MRPL38: variants seen among roughly 807,000 people sequenced by gnomAD.
MRPL38 encodes the protein large ribosomal subunit protein mL38.
MRPL38 carries 51 observed loss-of-function variants against 52.1 expected under a neutral mutation model. That is an observed-to-expected ratio of 0.98 (90% CI 0.78 to 1.24). MRPL38 has a LOEUF of 1.24. Ranked by LOEUF, MRPL38 falls within the 50% of genes most tolerant of loss-of-function variation. The pLI is 0.00. For synonymous variants in MRPL38, 245 were observed against 212.7 expected, an observed-to-expected ratio of 1.15 and a Z score of -1.32; for missense variants, 527 against 518.6, an observed-to-expected ratio of 1.02 and a Z score of -0.16.
chr17:75,903,238 A>G lies in MRPL38; in HGVS notation c.248-1084T>C, dbSNP rs960173221. On this transcript the variant is annotated intron_variant, in intron 2 of 8. Coordinates refer to ENST00000309352, the MANE Select transcript of MRPL38 (RefSeq NM_032478.4). ...AGCTTGGGCAATATGGTGAAACCCC[A>G]TCTCTACTAAAAATACAAAAATTAG... 3.3e-5 allele frequency among the ~76,000 whole-genome samples: 5 copies of G among 152,148 alleles called. No homozygotes were observed. In the East Asian group the frequency reaches 9.6e-4, roughly 29 times the overall value.
chr17:75,902,655 A>G (rs1567853457), intron 2 of MRPL38, among the ~76,000 whole-genome samples: 2 of 152,222 alleles, frequency 1.3e-5, no homozygotes, highest in South Asian at 4.1e-4. Flanking sequence ...CAGAATTAAA[A>G]CATACTGTGC....
At chr17:75,903,749 G>C (rs2065415750) in intron 2 of MRPL38, among the ~76,000 whole-genome samples, 1 of 151,194 alleles carries the variant, frequency 6.6e-6, no homozygotes, top group Non-Finnish European at 1.5e-5. Flanking sequence ...TTTTGAGACG[G>C]AGTTTCGCTC....
At chr17:75,902,212 C>G in intron 2 of MRPL38, 58 bp from the exon 3 acceptor site, 1 of 1,523,702 alleles carries the variant, frequency 6.6e-7, no homozygotes. Context: ...GCCTTAACCT[C>G]CCCAACTCAG....
At chr17:75,900,618 G>T in intron 6 of MRPL38, 1 of 310,422 alleles carries the variant, frequency 3.2e-6, no homozygotes, top group Non-Finnish European at 5.2e-6. Context: ...CTACTCAGGA[G>T]ACTGAGGTGG....
intron 2 of MRPL38, chr17:75,904,162 G>A (rs1345113045): frequency 4.2e-6 from 2 of 477,400 alleles, no homozygotes; most frequent in African/African-American, 4.0e-5. Context: ...CCTGTCAACA[G>A]GGCGCTTACA....
At chr17:75,903,683 C>T (rs2065415437) in intron 2 of MRPL38, among the ~76,000 whole-genome samples, 1 of 151,134 alleles carries the variant, frequency 6.6e-6, no homozygotes, top group Non-Finnish European at 1.5e-5. Flanking sequence ...AAAAGAAAAG[C>T]ATATACTCCA....
chr17:75,904,703 C>T lies in MRPL38; in HGVS notation c.84G>A (p.Arg28=). The change falls in exon 2 of 9, where the codon CGG becomes CGA. Residue 28 remains arginine (R), a synonymous_variant. Coordinates refer to ENST00000309352, the MANE Select transcript of MRPL38 (RefSeq NM_032478.4). ...GFSTSAVLGR[R]TPPLGPMPNS... Reference sequence around the variant, plus strand: ...TGGGCATCGGCCCCAGCGGGGGTGTCCGGCGGCCCAGGACGGCTGCGGGCA... The same window carrying T: ...TGGGCATCGGCCCCAGCGGGGGTGTTCGGCGGCCCAGGACGGCTGCGGGCA... The T allele has an allele frequency of 6.3e-7, 1 of 1,589,166 alleles. No homozygotes were observed. Among genetic ancestry groups the T allele is most frequent in the Middle Eastern group, 1.7e-4 (1 of 5,914 alleles).
At chr17:75,900,833 G>T in intron 6 of MRPL38, 149 bp downstream of exon 6, 1 of 1,439,282 alleles carries the variant, frequency 6.9e-7, no homozygotes. Flanking sequence ...GTGGATCCCA[G>T]GGCCCCTAAC....
chr17:75,899,157 C>A lies in MRPL38; in HGVS notation c.1006+1G>T. ...CAGTGCCCCAGCCCCATGGCCCTTA[C>A]CCAGAAGCTGGTGGAAGATGTAGGT... On this transcript the variant is annotated splice_donor_variant, in intron 8 of 8. Transcript: ENST00000309352. LOFTEE classifies it high-confidence loss of function. 6.2e-7 allele frequency: 1 copy of A among 1,600,846 alleles called. No individual in the cohort carries two copies. Among genetic ancestry groups the A allele is most frequent in the Non-Finnish European group, 8.5e-7 (1 of 1,174,416 alleles).
In MRPL38 at chr17:75,900,988, C is replaced by T. The variant is rs376732024; in HGVS notation, c.704G>A (p.Trp235Ter). ...CCAGTACTCCAGTACTCACAGCAGCCAGTGGAGGTACTCAGCATCTGGCTC... is the reference window on the plus strand; with the variant it reads ...CCAGTACTCCAGTACTCACAGCAGCTAGTGGAGGTACTCAGCATCTGGCTC... ...LLEPDAEYLH[W>*]LLTNIPGNRV... Residue 235 changes from tryptophan to a stop codon, truncating the protein, a stop_gained, in exon 6 of 9, where the codon TGG becomes TAG. Coordinates refer to ENST00000309352, the MANE Select transcript of MRPL38 (RefSeq NM_032478.4). LOFTEE classifies it high-confidence loss of function. 19 of 1,612,704 alleles carry T rather than the reference C, an allele frequency of 1.2e-5. No homozygotes were observed. Among genetic ancestry groups the T allele is most frequent in the Non-Finnish European group, 1.6e-5 (19 of 1,179,454 alleles).
rs373808827 is a variant in MRPL38 at position 75,901,706 on chromosome 17, G to A, written c.591+6C>T. 63 of 1,612,994 alleles carry A rather than the reference G, an allele frequency of 3.9e-5. No individual in the cohort carries two copies. In the East Asian group the frequency reaches 5.8e-4, roughly 15 times the overall value. On this transcript the variant is annotated splice_donor_region_variant and intron_variant, in intron 4 of 8. Transcript: ENST00000309352. The surrounding 1 kb of genome is among the most constrained non-coding windows in gnomAD (Gnocchi z 5.7). ...GCAGGGAGGAGGGGCACAAGTGAGT[G>A]GTTACCTCGGTTGGAGTCACCTCAT... is the stretch of plus-strand genomic sequence containing the variant.
At position 75,901,888 on chromosome 17, in the gene MRPL38, A is replaced by G; in HGVS notation, c.415T>C (p.Trp139Arg). Residue 139 changes from tryptophan (W) to arginine (R), a missense_variant, in exon 4 of 9, where the codon TGG becomes CGG. Trp to Arg is a moderately radical substitution (Grantham distance 101, BLOSUM62 -3). Coordinates refer to ENST00000309352, the MANE Select transcript of MRPL38 (RefSeq NM_032478.4). The surrounding 1 kb of genome is among the most constrained non-coding windows in gnomAD (Gnocchi z 5.7). ...SVPLDAVRAE[W>R]ERTCGPYHKQ... is the part of the protein sequence containing the mutation. Reference sequence around the variant, plus strand: ...TGGTAGGGGCCACAGGTCCTCTCCCACTCGGCCCGCACGGCATCCAGCGGG... The same window carrying G: ...TGGTAGGGGCCACAGGTCCTCTCCCGCTCGGCCCGCACGGCATCCAGCGGG... 1.3e-6 allele frequency: 2 copies of G among 1,596,504 alleles called. No individual in the cohort carries two copies. Among genetic ancestry groups the G allele is most frequent in the Non-Finnish European group, 1.7e-6 (2 of 1,172,766 alleles).
At chr17:75,899,724 A>T in intron 6 of MRPL38, 50 bp from the exon 7 acceptor site, 1 of 1,477,266 alleles carries the variant, frequency 6.8e-7, no homozygotes, top group Non-Finnish European at 9.0e-7. Context: ...AGGCAGCAGG[A>T]GTGTCCCCTC....
At position 75,901,602 on chromosome 17, in the gene MRPL38, A is replaced by G. The variant is rs2065404664; in HGVS notation, c.591+110T>C. The G allele has an allele frequency of 4.4e-6, 4 of 905,064 alleles. No homozygotes were observed. The African/African-American group carries it at 5.0e-5, about 11-fold the overall frequency. 56.1% of individuals were successfully genotyped at this position (905,064 alleles called of 1,614,324 possible). ...TCATGGTGTCGTCTTCCAGGAAATC[A>G]AAGAGACAGAGAACAACAAAATTCC... is the stretch of plus-strand genomic sequence containing the variant. On this transcript the variant is annotated intron_variant, in intron 4 of 8. Coordinates refer to ENST00000309352, the MANE Select transcript of MRPL38 (RefSeq NM_032478.4). This position sits in a 1 kb window ranked among gnomAD's most constrained non-coding sequence, Gnocchi z 5.7.
At position 75,899,005 on chromosome 17, in the gene MRPL38, G is replaced by A; in HGVS notation, c.1007-19C>T. 1.3e-6 allele frequency: 2 copies of A among 1,577,378 alleles called. No individual in the cohort carries two copies. Among genetic ancestry groups the A allele is most frequent in the Non-Finnish European group, 1.7e-6 (2 of 1,162,612 alleles). On this transcript the variant is annotated intron_variant, in intron 8 of 8. Transcript: ENST00000309352. ...CGCATGTCTGCAAGAAGAGTGAGGG[G>A]TACGGGGTGGTCTGCTGGCCTGCGC...
rs2065393727 is a variant in MRPL38, at chr17:75,899,456, G to C, written c.869+60C>G. 13 of 1,536,084 alleles carry C rather than the reference G, an allele frequency of 8.5e-6. No homozygotes were observed. The South Asian group carries it at 1.3e-4, about 15-fold the overall frequency. On this transcript the variant is annotated intron_variant, in intron 7 of 8. Coordinates refer to ENST00000309352, the MANE Select transcript of MRPL38 (RefSeq NM_032478.4). ...CTGAGGTCAAGAGAGAACTGAGCAAGAGTGACCGTTCCAGGGGAGCTGGCC... is the reference window on the plus strand; with the variant it reads ...CTGAGGTCAAGAGAGAACTGAGCAACAGTGACCGTTCCAGGGGAGCTGGCC...
chr17:75,901,962 G>C lies in MRPL38; in HGVS notation c.383-42C>G, dbSNP rs372490950. The C allele has an allele frequency of 6.2e-7, 1 of 1,607,402 alleles. No individual in the cohort carries two copies. The highest frequency in any genetic ancestry group is 1.3e-5 in the African/African-American group (1 of 74,926). ...CCAGTTGGGATACGGGGGTGGGGGG[G>C]GCAGGGACACACCCTGTACCCCAAC... On this transcript the variant is annotated intron_variant, in intron 3 of 8. Transcript: ENST00000309352. This position sits in a 1 kb window ranked among gnomAD's most constrained non-coding sequence, Gnocchi z 5.7.
chr17:75,902,010 G>A lies in MRPL38; in HGVS notation c.382+10C>T. On this transcript the variant is annotated intron_variant, in intron 3 of 8. Coordinates refer to ENST00000309352, the MANE Select transcript of MRPL38 (RefSeq NM_032478.4). ...AACTCTGGGATGGCCCCTCCCCTGA[G>A]AAGGCTTACCTGTGCGGAGGCGGGC... 1 of 1,613,440 alleles carries A rather than the reference G, an allele frequency of 6.2e-7. No homozygotes were observed. Among genetic ancestry groups the A allele is most frequent in the African/African-American group, 1.3e-5 (1 of 75,048 alleles).
Position 75,904,790 on chromosome 17 carries a change from A to T in MRPL38, c.67+19T>A. 1.3e-5 allele frequency: 6 copies of T among 459,038 alleles called. No homozygotes were observed. Among genetic ancestry groups the T allele is most frequent in the Non-Finnish European group, 1.8e-5 (6 of 339,750 alleles). 28.4% of individuals were successfully genotyped at this position (459,038 alleles called of 1,614,324 possible). A position where few individuals can be genotyped will look rare whatever the true frequency, so the allele number is the denominator to read the frequency against. Reference sequence around the variant, plus strand: ...CGACAGCCCCCCCCCCCCCCCCCGCAGAGCTGCCCACCCCTCACCCGAGGT... The same window carrying T: ...CGACAGCCCCCCCCCCCCCCCCCGCTGAGCTGCCCACCCCTCACCCGAGGT... On this transcript the variant is annotated intron_variant, in intron 1 of 8. Coordinates refer to ENST00000309352, the MANE Select transcript of MRPL38 (RefSeq NM_032478.4).
Sources: gnomAD v4.1 joint callset for allele counts (sites outside exome capture counted in the v4.1 genomes callset) on GRCh38, gnomAD v4.1.1 for gene constraint, Gnocchi (gnomAD v3.1) non-coding constraint, MANE v1.5 for transcripts, NCBI Gene and HGNC (gene_info 2026-07-23, HGNC 2026-07-21) for gene names.